Variants in HNRNPC observed in about 807,000 individuals in gnomAD.
The protein encoded by HNRNPC is heterogeneous nuclear ribonucleoproteins C1/C2.
A neutral mutation model predicts 33.2 loss-of-function variants in HNRNPC; 3 were observed. The ratio of observed to expected loss-of-function variants is 0.09; its 90% confidence interval spans 0.04 to 0.23. HNRNPC has a LOEUF of 0.23. Ranked by LOEUF, HNRNPC falls within the 10% of genes least tolerant of loss-of-function variation. HNRNPC has a pLI of 1.00. For synonymous variants in HNRNPC, 121 were observed against 126.7 expected, an observed-to-expected ratio of 0.96 and a Z score of 0.30; for missense variants, 143 against 366.7, an observed-to-expected ratio of 0.39 and a Z score of 4.98.
At chr14:21,231,744 A>T (rs143040118) in intron 3 of HNRNPC, among the ~76,000 whole-genome samples, 165 of 152,280 alleles carry the variant, frequency 1.1e-3, no homozygotes, top group African/African-American at 3.8e-3. Flanking sequence ...CCACCCTCAG[A>T]TACCACTTCA....
At chr14:21,261,573 A>G (rs1020736304) in intron 2 of HNRNPC, among the ~76,000 whole-genome samples, 1 of 152,152 alleles carries the variant, frequency 6.6e-6, no homozygotes, top group Non-Finnish European at 1.5e-5. Context: ...GATTTACCCT[A>G]GTACAACAGT....
chr14:21,228,285 A>G (rs1893700411), intron 5 of HNRNPC, among the ~76,000 whole-genome samples: 1 of 152,254 alleles, frequency 6.6e-6, no homozygotes, highest in Admixed American at 6.5e-5. Flanking sequence ...GGTCATTACC[A>G]AGGTCTGATT....
At chr14:21,247,942 G>A (rs1336761233) in intron 2 of HNRNPC, among the ~76,000 whole-genome samples, 1 of 151,618 alleles carries the variant, frequency 6.6e-6, no homozygotes, top group Non-Finnish European at 1.5e-5. Flanking sequence ...AGTGAGCCGA[G>A]ATCACGCCAC....
chr14:21,225,641 C>T lies in HNRNPC; in HGVS notation c.365+4678G>A, dbSNP rs1893339772. Reference sequence around the variant, plus strand: ...TCTATGTCTCTAACTGGCAAGTATCCTGATGTAGGTAGGGTCCACGAGATA... The same window carrying T: ...TCTATGTCTCTAACTGGCAAGTATCTTGATGTAGGTAGGGTCCACGAGATA... On this transcript the variant is annotated intron_variant, in intron 5 of 8. Transcript: ENST00000553300. Among the ~76,000 whole-genome samples the T allele has an allele frequency of 2.0e-5, 3 of 151,992 alleles. 1 individual carries two copies. Among genetic ancestry groups the T allele is most frequent in the African/African-American group, 7.3e-5 (3 of 41,322 alleles).
At position 21,210,238 on chromosome 14, in the gene HNRNPC, A is replaced by C. The variant is rs1479022045; in HGVS notation, c.*985T>G. The C allele has an allele frequency of 6.6e-6, 1 of 152,208 alleles. No homozygotes were observed. The highest frequency in any genetic ancestry group is 1.5e-5 in the Non-Finnish European group (1 of 68,034). The allele number at this position is 152,208 out of a possible 1,614,324, so 9.4% of individuals were successfully genotyped here. On this transcript the variant is annotated 3_prime_UTR_variant, in exon 9 of 9. Transcript: ENST00000553300. ...TTAAGGACAAAACCATTTAGCACAAAACACAAACCTCAGAAAGGGTGCCAG... is the reference window on the plus strand; with the variant it reads ...TTAAGGACAAAACCATTTAGCACAACACACAAACCTCAGAAAGGGTGCCAG...
At chr14:21,256,896 C>G (rs1441738955) in intron 2 of HNRNPC, among the ~76,000 whole-genome samples, 1 of 152,108 alleles carries the variant, frequency 6.6e-6, no homozygotes, top group South Asian at 2.1e-4. Context: ...TCAAGCGATG[C>G]GCCTCCCTCA....
At chr14:21,224,421 A>G (rs183337715) in intron 5 of HNRNPC, among the ~76,000 whole-genome samples, 232 of 152,326 alleles carry the variant, frequency 1.5e-3, no homozygotes, top group Non-Finnish European at 2.9e-3. Flanking sequence ...AAATTCTGAC[A>G]GCACAAACTC....
chr14:21,221,548 A>G (rs1892823258), intron 5 of HNRNPC, among the ~76,000 whole-genome samples: 1 of 152,212 alleles, frequency 6.6e-6, no homozygotes, highest in South Asian at 2.1e-4. Context: ...TAAAAACTCT[A>G]CAAAACGACT....
rs555756766 is a variant in HNRNPC, at chr14:21,210,488, C to T, written c.*735G>A. On this transcript the variant is annotated 3_prime_UTR_variant, in exon 9 of 9. Coordinates refer to ENST00000553300, the MANE Select transcript of HNRNPC (RefSeq NM_004500.4). The stretch of plus-strand genomic sequence containing the variant: ...TGCATTCTAGAGGTTTTGTGGAGGA[C>T]GCTGTAAAACAAAGTTTGAAGTAAA... The T allele has an allele frequency of 2.4e-4, 36 of 151,692 alleles. No homozygotes were observed. Among genetic ancestry groups the T allele is most frequent in the African/African-American group, 7.3e-4 (30 of 41,186 alleles). 9.4% of individuals were successfully genotyped at this position (151,692 alleles called of 1,614,324 possible).
In HNRNPC at chr14:21,209,224, C is replaced by T. The variant is rs1891394050; in HGVS notation, c.*1999G>A. 2 of 152,088 alleles carry T rather than the reference C, an allele frequency of 1.3e-5. No individual in the cohort carries two copies. The highest frequency in any genetic ancestry group is 4.1e-4 in the South Asian group (2 of 4,826). 9.4% of individuals were successfully genotyped at this position (152,088 alleles called of 1,614,324 possible). On this transcript the variant is annotated 3_prime_UTR_variant, in exon 9 of 9. Transcript: ENST00000553300. ...AATATGCATAGGTTACATATAAATA[C>T]TATGCCATTTTATGTAAGGGACTTG... is the stretch of plus-strand genomic sequence containing the variant.
intron 5 of HNRNPC, among the ~76,000 whole-genome samples, chr14:21,228,777 A>G (rs1566611077): frequency 6.6e-6 from 1 of 152,224 alleles, no homozygotes; most frequent in East Asian, 1.9e-4. Context: ...AAATGTTCAC[A>G]CATAACTGTA....
chr14:21,248,561 A>G (rs1167659269), intron 2 of HNRNPC, among the ~76,000 whole-genome samples: 3 of 152,220 alleles, frequency 2.0e-5, no homozygotes, highest in African/African-American at 7.2e-5. Flanking sequence ...TACTGTTATC[A>G]TTTACTGTTA....
At chr14:21,230,415 T>G (rs745575907) in intron 4 of HNRNPC, 49 bp from the exon 5 acceptor site, 10 of 1,387,316 alleles carry the variant, frequency 7.2e-6, no homozygotes, top group Non-Finnish European at 9.2e-6. Flanking sequence ...TTTCTACTAA[T>G]TCACAATGTC....
chr14:21,230,621 T>G (rs1325695549), intron 4 of HNRNPC: 2 of 517,562 alleles, frequency 3.9e-6, no homozygotes, highest in African/African-American at 3.9e-5. Context: ...AACTAAACAC[T>G]GAAAAACAGA....
intron 5 of HNRNPC, among the ~76,000 whole-genome samples, chr14:21,221,591 A>G (rs1167176451): frequency 6.6e-6 from 1 of 152,210 alleles, no homozygotes; most frequent in Non-Finnish European, 1.5e-5. Context: ...ATCTCCTATA[A>G]CTACAGAGCA....
chr14:21,255,410 CA>C (rs1285803911), intron 2 of HNRNPC, among the ~76,000 whole-genome samples: 1 of 152,212 alleles, frequency 6.6e-6, no homozygotes, highest in African/African-American at 2.4e-5. Flanking sequence ...CATGCTTTCT[CA>C]GTAGAGAATA....
intron 5 of HNRNPC, among the ~76,000 whole-genome samples, chr14:21,218,337 T>C (rs537288273): frequency 1.3e-4 from 20 of 152,284 alleles, no homozygotes; most frequent in African/African-American, 4.6e-4. Flanking sequence ...AGTGTTGATC[T>C]TTACCAAAGA....
chr14:21,254,829 CCGGGAGGCGGAGGTTG>C (rs1455483104), intron 2 of HNRNPC, among the ~76,000 whole-genome samples: 4 of 151,752 alleles, frequency 2.6e-5, no homozygotes, highest in Admixed American at 2.6e-4. Context: ...TCACTTGAAT[CCGGGAGGCGGAGGTTG>C]CGGTAGGCGG....
At chr14:21,211,701 C>G in intron 7 of HNRNPC, 109 bp downstream of exon 7, 2 of 1,417,916 alleles carry the variant, frequency 1.4e-6, no homozygotes, top group Non-Finnish European at 2.0e-6. Context: ...TCACACTCCC[C>G]AAGTTTCATA....
Sources: gnomAD v4.1 joint callset for allele counts (sites outside exome capture counted in the v4.1 genomes callset) on GRCh38, gnomAD v4.1.1 for gene constraint, MANE v1.5 for transcripts, NCBI Gene and HGNC (gene_info 2026-07-23, HGNC 2026-07-21) for gene names.